Variants in RELN observed in about 807,000 individuals in gnomAD.
The protein encoded by RELN is reelin.
In RELN, 108 loss-of-function variants were observed where a neutral mutation model predicts 427.6. That is an observed-to-expected ratio of 0.25 (90% CI 0.22 to 0.30). The LOEUF (loss-of-function observed/expected upper bound fraction) is 0.30, where lower values mean the gene tolerates loss of function less well. RELN is among the 10% of genes least tolerant of loss of function. The pLI is 1.00. For synonymous variants in RELN, 1,524 were observed against 1,513.4 expected, an observed-to-expected ratio of 1.01 and a Z score of -0.16; for missense variants, 3,715 against 4,302.8, an observed-to-expected ratio of 0.86 and a Z score of 3.82.
At position 103,503,201 on chromosome 7, in the gene RELN, T is replaced by C. The variant is rs1390618581; in HGVS notation, c.8304A>G (p.Lys2768=). The change falls in exon 52 of 65, where the codon AAA becomes AAG. Residue 2768 remains lysine (K), a synonymous_variant. Coordinates refer to ENST00000428762, the MANE Select transcript of RELN (RefSeq NM_005045.4). ...GCACATGAATTTGATTCTGGGCAAT[T>C]TTTTCAGACACCTTACATCCAACTG... ...KISVGCKVSE[K]IAQNQIHVQY... is the part of the protein sequence containing the mutation. 6.2e-7 allele frequency: 1 copy of C among 1,614,174 alleles called. No individual in the cohort carries two copies. Among genetic ancestry groups the C allele is most frequent in the East Asian group, 2.2e-5 (1 of 44,888 alleles).
chr7:103,580,601 T>G (rs1193097168), intron 28 of RELN, among the ~76,000 whole-genome samples: 1 of 152,184 alleles, frequency 6.6e-6, no homozygotes, highest in Non-Finnish European at 1.5e-5. Context: ...CAATAGTTTT[T>G]GGGGGTACAG....
intron 2 of RELN, among the ~76,000 whole-genome samples, chr7:103,852,230 G>A (rs1367207716): frequency 6.6e-6 from 1 of 152,094 alleles, no homozygotes; most frequent in Admixed American, 6.6e-5. Flanking sequence ...CTAAACTAAT[G>A]AATAGACTTC....
At chr7:103,540,856 C>A (rs1057285199) in intron 43 of RELN, among the ~76,000 whole-genome samples, 1 of 148,246 alleles carries the variant, frequency 6.7e-6, no homozygotes, top group Non-Finnish European at 1.5e-5. Flanking sequence ...AAGTTTGAAA[C>A]GGGAAGAATG....
intron 55 of RELN, 147 bp from the exon 56 acceptor site, chr7:103,496,915 T>A: frequency 1.2e-6 from 1 of 801,750 alleles, no homozygotes; most frequent in South Asian, 1.6e-5. Flanking sequence ...TGATATTAGG[T>A]ATTCACTACT....
In RELN at chr7:103,651,647, G is replaced by C; in HGVS notation, c.1892+14C>G. 1 of 1,609,318 alleles carries C rather than the reference G, an allele frequency of 6.2e-7. No individual in the cohort carries two copies. The highest frequency in any genetic ancestry group is 8.5e-7 in the Non-Finnish European group (1 of 1,176,394). On this transcript the variant is annotated intron_variant, in intron 15 of 64. Coordinates refer to ENST00000428762, the MANE Select transcript of RELN (RefSeq NM_005045.4). ...GATTCAAGTATTTCAATATCTCAGA[G>C]AGAATGTACTCACCCACTGTAGTTT...
At chr7:103,567,424 A>G (rs144377572) in intron 31 of RELN, among the ~76,000 whole-genome samples, 27 of 152,330 alleles carry the variant, frequency 1.8e-4, no homozygotes, top group African/African-American at 5.8e-4. Flanking sequence ...AGGGGACTGC[A>G]CATTAAAGTG....
chr7:103,765,386 G>C (rs1791404321), intron 4 of RELN, among the ~76,000 whole-genome samples: 1 of 152,150 alleles, frequency 6.6e-6, no homozygotes. Flanking sequence ...ATGGGAGACT[G>C]CCTTATGTTG....
Position 103,490,715 on chromosome 7 carries a change from T to C in RELN, c.9558A>G (p.Ser3186=), listed in dbSNP as rs1828620632. The part of the protein sequence containing the change: ...EATIYNSVNS[S]SWKRITIQLP... ...GCTGGATGGTGATTCTTTTCCAGCT[T>C]GAGCTGTTGACAGAGTTGTAGATGG... Residue 3186 remains serine, a synonymous_variant, in exon 59 of 65, where the codon TCA becomes TCG. Coordinates refer to ENST00000428762, the MANE Select transcript of RELN (RefSeq NM_005045.4). 1 of 1,613,952 alleles carries C rather than the reference T, an allele frequency of 6.2e-7. No homozygotes were observed. The highest frequency in any genetic ancestry group is 1.3e-5 in the African/African-American group (1 of 74,930).
chr7:103,925,537 A>C (rs1795713502), intron 1 of RELN, among the ~76,000 whole-genome samples: 3 of 152,130 alleles, frequency 2.0e-5, no homozygotes, highest in Non-Finnish European at 4.4e-5. Context: ...CATCCATGAA[A>C]ATTTCATATT....
chr7:103,594,167 G>A (rs1004579274), intron 26 of RELN, among the ~76,000 whole-genome samples, 154 bp downstream of exon 26: 2 of 152,242 alleles, frequency 1.3e-5, no homozygotes, highest in African/African-American at 4.8e-5. Context: ...TCTGTGAAGT[G>A]GTAGCATAGA....
intron 3 of RELN, among the ~76,000 whole-genome samples, chr7:103,801,046 A>G (rs1792451083): frequency 6.6e-6 from 1 of 152,206 alleles, no homozygotes. Context: ...ATCTTACACC[A>G]GTTAGAATGG....
intron 46 of RELN, among the ~76,000 whole-genome samples, chr7:103,528,247 AAT>A (rs1241986715): frequency 1.3e-5 from 2 of 152,220 alleles, no homozygotes; most frequent in Non-Finnish European, 2.9e-5. Flanking sequence ...TACATTCCAC[AAT>A]ATATCACACT....
At chr7:103,482,029 T>C (rs1294777801) in intron 63 of RELN, 1 of 152,126 alleles carries the variant, frequency 6.6e-6, no homozygotes, top group African/African-American at 2.4e-5. Context: ...AGCTCAAGAC[T>C]GGAAAATTCA....
chr7:103,831,730 A>G (rs1793278227), intron 3 of RELN, among the ~76,000 whole-genome samples: 1 of 152,154 alleles, frequency 6.6e-6, no homozygotes, highest in Non-Finnish European at 1.5e-5. Flanking sequence ...GGTGCGTGCC[A>G]AGGGAGATAA....
At chr7:103,601,662 T>C (rs866748139) in intron 24 of RELN, among the ~76,000 whole-genome samples, 8 of 152,282 alleles carry the variant, frequency 5.3e-5, no homozygotes, top group Admixed American at 2.6e-4. Context: ...TCAGGTTGGA[T>C]ACTGGACCTG....
chr7:103,604,641 A>G (rs1266731066), intron 22 of RELN, among the ~76,000 whole-genome samples, 158 bp from the exon 23 acceptor site: 1 of 152,178 alleles, frequency 6.6e-6, no homozygotes. Context: ...TTATTGTCCA[A>G]TGCAACAATT....
At chr7:103,970,146 CT>C (rs564924083) in intron 1 of RELN, among the ~76,000 whole-genome samples, 307 of 142,350 alleles carry the variant, frequency 2.2e-3, no homozygotes, top group Admixed American at 2.8e-3. Context: ...TCTTTTTTTC[CT>C]TTTTTTTTTT....
At chr7:103,658,057 G>A (rs1419798811) in intron 12 of RELN, among the ~76,000 whole-genome samples, 1 of 152,010 alleles carries the variant, frequency 6.6e-6, no homozygotes, top group Non-Finnish European at 1.5e-5. Flanking sequence ...ATTTGTTGGA[G>A]GAACAATAAA....
chr7:103,521,903 G>A (rs915691104), intron 48 of RELN, 119 bp downstream of exon 48: 1 of 972,876 alleles, frequency 1.0e-6, no homozygotes, highest in Non-Finnish European at 1.6e-6. Flanking sequence ...GATCAGGGTT[G>A]TACATTTAGG....
Sources: allele counts gnomAD v4.1 joint callset (sites outside exome capture counted in the v4.1 genomes callset), GRCh38; gene constraint gnomAD v4.1.1; transcripts MANE v1.5; gene names NCBI Gene and HGNC (gene_info 2026-07-23, HGNC 2026-07-21).